Variants in FHIT observed in about 807,000 individuals in gnomAD.
FHIT encodes bis(5'-adenosyl)-triphosphatase.
Under a neutral mutation model 17.9 loss-of-function variants are expected in FHIT, and 19 were observed. The observed-to-expected ratio is 1.06, with a 90% CI of 0.74 to 1.56. FHIT has a LOEUF of 1.56. Ranked by LOEUF, FHIT falls within the 40% of genes most tolerant of loss-of-function variation. The pLI is 0.00. For missense variants in FHIT, 248 were observed against 189.2 expected (o/e 1.31, Z -1.82); for synonymous variants, 81 against 69.7 (o/e 1.16, Z -0.81).
At chr3:60,376,917 T>C (rs755592467) in intron 5 of FHIT, among the ~76,000 whole-genome samples, 23 of 152,210 alleles carry the variant, frequency 1.5e-4, no homozygotes, top group Non-Finnish European at 3.1e-4. Flanking sequence ...AGAACACTGG[T>C]TATAATTCAG....
intron 7 of FHIT, among the ~76,000 whole-genome samples, chr3:59,949,081 T>C (rs1395632308): frequency 6.6e-6 from 1 of 152,198 alleles, no homozygotes; most frequent in Non-Finnish European, 1.5e-5. Flanking sequence ...TCTATATTGT[T>C]ACCATCTTTA....
intron 4 of FHIT, among the ~76,000 whole-genome samples, chr3:60,760,811 A>AG (rs1699623304): frequency 6.6e-6 from 1 of 152,204 alleles, no homozygotes; most frequent in South Asian, 2.1e-4. Flanking sequence ...TATTCTGGGT[A>AG]GGGAGAATGT....
intron 5 of FHIT, among the ~76,000 whole-genome samples, chr3:60,387,713 A>G (rs1701067037): frequency 6.6e-6 from 1 of 151,928 alleles, no homozygotes; most frequent in African/African-American, 2.4e-5. Flanking sequence ...AGGCCTTTGA[A>G]GCGACTATAC....
At chr3:59,858,038 T>A (rs1206000750) in intron 8 of FHIT, among the ~76,000 whole-genome samples, 1 of 152,136 alleles carries the variant, frequency 6.6e-6, no homozygotes, top group African/African-American at 2.4e-5. Flanking sequence ...TTAAATGATT[T>A]CTGTCTTCAA....
chr3:60,344,073 G>A (rs1279718673), intron 5 of FHIT, among the ~76,000 whole-genome samples: 1 of 152,124 alleles, frequency 6.6e-6, no homozygotes, highest in Non-Finnish European at 1.5e-5. Flanking sequence ...TCTGTTAACA[G>A]GTTGCCAACT....
intron 5 of FHIT, among the ~76,000 whole-genome samples, chr3:60,243,124 G>A (rs1034191518): frequency 5.3e-5 from 8 of 151,644 alleles, no homozygotes; most frequent in African/African-American, 1.9e-4. Flanking sequence ...TGAAGCAAAT[G>A]GATTGTTCGC....
intron 2 of FHIT, among the ~76,000 whole-genome samples, chr3:61,157,090 A>G (rs1019592701): frequency 2.6e-5 from 4 of 152,218 alleles, no homozygotes; most frequent in African/African-American, 9.6e-5. Context: ...TGCTAAGCAT[A>G]TTCAACTACT....
chr3:60,111,383 T>G (rs1704662518), intron 5 of FHIT, among the ~76,000 whole-genome samples: 1 of 152,038 alleles, frequency 6.6e-6, no homozygotes, highest in African/African-American at 2.4e-5. Context: ...CACCCAAAGG[T>G]GCAGTTAAAG....
At chr3:60,970,672 C>T (rs1033607680) in intron 3 of FHIT, among the ~76,000 whole-genome samples, 4 of 152,160 alleles carry the variant, frequency 2.6e-5, no homozygotes, top group Middle Eastern at 3.4e-3. Flanking sequence ...TAGAATCTAC[C>T]ATAATTGATA....
intron 1 of FHIT, among the ~76,000 whole-genome samples, chr3:61,202,315 G>C (rs2039047397): frequency 6.6e-6 from 1 of 150,924 alleles, no homozygotes; most frequent in African/African-American, 2.4e-5. Context: ...GAAGTGAGGA[G>C]CGCCTCTGCT....
At chr3:60,739,049 G>C (rs1472017378) in intron 4 of FHIT, among the ~76,000 whole-genome samples, 1 of 152,162 alleles carries the variant, frequency 6.6e-6, no homozygotes, top group Admixed American at 6.5e-5. Context: ...TCAGCTGGGG[G>C]CAGTCGGAGA....
chr3:60,013,443 CCTT>C (rs1298378120), intron 6 of FHIT, among the ~76,000 whole-genome samples: 9 of 152,192 alleles, frequency 5.9e-5, no homozygotes, highest in Non-Finnish European at 1.2e-4. Context: ...CCATGGACAT[CCTT>C]CTCCCAACCT....
intron 5 of FHIT, among the ~76,000 whole-genome samples, chr3:60,298,773 C>A (rs1374395410): frequency 6.6e-6 from 1 of 152,064 alleles, no homozygotes; most frequent in Non-Finnish European, 1.5e-5. Context: ...ATAATTTAAA[C>A]TTAAAATAAG....
At chr3:61,017,990 T>C (rs2032207690) in intron 3 of FHIT, among the ~76,000 whole-genome samples, 1 of 152,120 alleles carries the variant, frequency 6.6e-6, no homozygotes, top group South Asian at 2.1e-4. Context: ...AATTCAAAAA[T>C]AGGACTTGAG....
At chr3:60,869,505 C>G (rs1035058266) in intron 3 of FHIT, among the ~76,000 whole-genome samples, 1 of 152,176 alleles carries the variant, frequency 6.6e-6, no homozygotes, top group Non-Finnish European at 1.5e-5. Context: ...TGTCATAGTT[C>G]TAGCCACATG....
chr3:60,854,390 C>G (rs373384116), intron 3 of FHIT, among the ~76,000 whole-genome samples: 23 of 152,186 alleles, frequency 1.5e-4, no homozygotes, highest in African/African-American at 4.8e-4. Context: ...TAATTGCAAT[C>G]TAGCTAACCA....
intron 5 of FHIT, among the ~76,000 whole-genome samples, chr3:60,246,575 A>G (rs1312580276): frequency 4.6e-5 from 7 of 152,108 alleles, no homozygotes; most frequent in Admixed American, 3.3e-4. Context: ...TGGTGCCAAA[A>G]AACACAGATC....
At chr3:60,762,792 T>G (rs567356679) in intron 4 of FHIT, among the ~76,000 whole-genome samples, 13 of 152,028 alleles carry the variant, frequency 8.6e-5, no homozygotes, top group Non-Finnish European at 4.4e-5. Context: ...AGAAAAAGAG[T>G]AGCATCCCCC....
intron 3 of FHIT, among the ~76,000 whole-genome samples, chr3:60,894,699 CA>C (rs1226750798): frequency 6.6e-6 from 1 of 151,640 alleles, no homozygotes; most frequent in African/African-American, 2.4e-5. Flanking sequence ...AACAAAAAAA[CA>C]AAAAACACTC....
Sources: allele counts gnomAD v4.1 joint callset (sites outside exome capture counted in the v4.1 genomes callset), GRCh38; gene constraint gnomAD v4.1.1; transcripts MANE v1.5; gene names NCBI Gene and HGNC (gene_info 2026-07-23, HGNC 2026-07-21).